VIPR2: variants seen among roughly 807,000 people sequenced by gnomAD.
The protein encoded by VIPR2 is vasoactive intestinal polypeptide receptor 2.
VIPR2 carries 48 observed loss-of-function variants against 58.0 expected under a neutral mutation model. The observed-to-expected ratio is 0.83, with a 90% CI of 0.66 to 1.05. The LOEUF is 1.05. Ranked by LOEUF, VIPR2 falls within the 50% of genes least tolerant of loss-of-function variation. VIPR2 has a pLI of 0.00. For synonymous variants in VIPR2, 243 were observed against 235.2 expected (o/e 1.03, Z -0.30); for missense variants, 534 against 558.0 (o/e 0.96, Z 0.43).
Position 159,095,840 on chromosome 7 carries a change from A to C in VIPR2, c.357+7917T>G, listed in dbSNP as rs1857804337. Among the ~76,000 whole-genome samples the C allele has an allele frequency of 6.6e-6, 1 of 151,148 alleles. No individual in the cohort carries two copies. The highest frequency in any genetic ancestry group is 2.4e-5 in the African/African-American group (1 of 41,052). The stretch of plus-strand genomic sequence containing the variant: ...TCTTTTTTTTTTAAGTCTTTAACAG[A>C]CCTCCCTAGAACCCTGAAATTTGGG... On this transcript the variant is annotated intron_variant, in intron 4 of 12. Transcript: ENST00000262178. The surrounding 1 kb of genome is among the most constrained non-coding windows in gnomAD (Gnocchi z 5.2).
intron 2 of VIPR2, among the ~76,000 whole-genome samples, chr7:159,123,518 G>A (rs1403188194): frequency 6.6e-6 from 1 of 152,078 alleles, no homozygotes; most frequent in Admixed American, 6.6e-5. Flanking sequence ...GTATTCCATG[G>A]TGTATATGTA....
chr7:159,067,041 G>A (rs57153933), intron 4 of VIPR2, among the ~76,000 whole-genome samples: 4,657 of 152,238 alleles, frequency 0.031, 116 homozygotes, highest in African/African-American at 0.06. Context: ...TTAAACTTAC[G>A]TAAAATTGAC....
chr7:159,031,478 G>C lies in VIPR2; in HGVS notation c.1143+350C>G, dbSNP rs1420258807. The C allele has an allele frequency of 4.2e-5, 41 of 985,266 alleles. No homozygotes were observed. Among genetic ancestry groups the C allele is most frequent in the Non-Finnish European group, 4.6e-5 (38 of 829,926 alleles). The allele number at this position is 985,266 out of a possible 1,614,324, so 61.0% of individuals were successfully genotyped here. Reference sequence around the variant, plus strand: ...AGCCCCACCCCCCAACCCAGGCCCGGCTTTCTGGGACTCACAAGCTATGGT... The same window carrying C: ...AGCCCCACCCCCCAACCCAGGCCCGCCTTTCTGGGACTCACAAGCTATGGT... On this transcript the variant is annotated intron_variant, in intron 12 of 12. Transcript: ENST00000262178. This position sits in a 1 kb window ranked among gnomAD's most constrained non-coding sequence, Gnocchi z 4.0.
At chr7:159,104,775 C>T (rs1475531170) in intron 3 of VIPR2, among the ~76,000 whole-genome samples, 1 of 149,788 alleles carries the variant, frequency 6.7e-6, no homozygotes, top group Non-Finnish European at 1.5e-5. Flanking sequence ...TCCCAGCCAG[C>T]ACCCTTGCCA....
chr7:159,128,735 C>T lies in VIPR2; in HGVS notation c.151+13711G>A, dbSNP rs983320054. Among the ~76,000 whole-genome samples the T allele has an allele frequency of 3.9e-5, 6 of 152,196 alleles. No individual in the cohort carries two copies. Among genetic ancestry groups the T allele is most frequent in the East Asian group, 1.9e-4 (1 of 5,188 alleles). Reference sequence around the variant, plus strand: ...ATGCCCTAATTCCTTCCAGAAATGACGGCTCCATGGACCTTCCTGAAACAC... The same window carrying T: ...ATGCCCTAATTCCTTCCAGAAATGATGGCTCCATGGACCTTCCTGAAACAC... On this transcript the variant is annotated intron_variant, in intron 2 of 12. Transcript: ENST00000262178. This position sits in a 1 kb window ranked among gnomAD's most constrained non-coding sequence, Gnocchi z 4.1.
At chr7:159,056,867 C>T (rs73522290) in intron 5 of VIPR2, among the ~76,000 whole-genome samples, 8 of 152,278 alleles carry the variant, frequency 5.3e-5, no homozygotes, top group African/African-American at 1.4e-4. Context: ...GGGATGAGCC[C>T]CAAGCCTAGA....
intron 2 of VIPR2, among the ~76,000 whole-genome samples, chr7:159,118,456 G>A (rs769102158): frequency 2.6e-4 from 39 of 152,200 alleles, no homozygotes; most frequent in Admixed American, 4.6e-4. Flanking sequence ...AGACCAAGGC[G>A]GGAGAACAGC....
intron 6 of VIPR2, among the ~76,000 whole-genome samples, chr7:159,040,435 G>A (rs1854255356): frequency 6.6e-6 from 1 of 152,270 alleles, no homozygotes; most frequent in African/African-American, 2.4e-5. Context: ...GCTTCTGGGA[G>A]TCCCACAGAC....
intron 4 of VIPR2, among the ~76,000 whole-genome samples, chr7:159,063,742 C>T (rs796811310): frequency 8.0e-4 from 33 of 41,284 alleles, no homozygotes; most frequent in Middle Eastern, 0.022. Flanking sequence ...GAGGGCCTGG[C>T]GGGATCTGGG....
chr7:159,053,285 C>A (rs114653951), intron 5 of VIPR2, among the ~76,000 whole-genome samples: 1,808 of 151,856 alleles, frequency 0.012, 37 homozygotes, highest in African/African-American at 0.041. Context: ...TAAATTTTTT[C>A]AAGAAACAAT....
chr7:159,144,251 G>A (rs1429796243), intron 1 of VIPR2: 7 of 1,323,428 alleles, frequency 5.3e-6, no homozygotes, highest in Non-Finnish European at 5.8e-6. Context: ...TTTCCAAAAG[G>A]AAACTTTATT....
At chr7:159,131,808 A>G (rs1285239542) in intron 2 of VIPR2, among the ~76,000 whole-genome samples, 2 of 152,228 alleles carry the variant, frequency 1.3e-5, no homozygotes, top group Admixed American at 1.3e-4. Flanking sequence ...TCCTGAGCAG[A>G]CACAACCAGT....
intron 2 of VIPR2, among the ~76,000 whole-genome samples, chr7:159,141,195 C>T (rs144707043): frequency 0.017 from 2,633 of 152,322 alleles, 66 homozygotes; most frequent in African/African-American, 0.058. Flanking sequence ...TCTCCTGGGC[C>T]GCATCAGCAT....
intron 2 of VIPR2, among the ~76,000 whole-genome samples, chr7:159,125,594 G>A (rs1796623959): frequency 6.6e-6 from 1 of 152,210 alleles, no homozygotes; most frequent in African/African-American, 2.4e-5. Flanking sequence ...GCCAGAATCT[G>A]GCTACTTGTG....
intron 3 of VIPR2, among the ~76,000 whole-genome samples, chr7:159,108,329 A>G (rs1280517523): frequency 6.6e-6 from 1 of 152,236 alleles, no homozygotes; most frequent in Admixed American, 6.5e-5. Context: ...CCATGCGGAC[A>G]TTCCATGGGG....
At chr7:159,078,442 G>A (rs1856753980) in intron 4 of VIPR2, among the ~76,000 whole-genome samples, 1 of 152,154 alleles carries the variant, frequency 6.6e-6, no homozygotes, top group Non-Finnish European at 1.5e-5. Flanking sequence ...GTTCAACACT[G>A]TAAGGCACTA....
chr7:159,036,291 G>A (rs1490044858), intron 7 of VIPR2, among the ~76,000 whole-genome samples: 1 of 152,148 alleles, frequency 6.6e-6, no homozygotes, highest in Non-Finnish European at 1.5e-5. Flanking sequence ...GTGCGGAGAA[G>A]GAGATGTGTT....
chr7:159,044,957 G>A (rs928842903), intron 5 of VIPR2, among the ~76,000 whole-genome samples: 1 of 152,100 alleles, frequency 6.6e-6, no homozygotes, highest in Non-Finnish European at 1.5e-5. Flanking sequence ...GTAGAGATGG[G>A]GTGGGGTTTC....
rs868609696 is a variant in VIPR2 at position 159,029,594 on chromosome 7, G to C, written c.*1022C>G. On this transcript the variant is annotated 3_prime_UTR_variant, in exon 13 of 13. Coordinates refer to ENST00000262178, the MANE Select transcript of VIPR2 (RefSeq NM_003382.5). ...ACCCCACGTAACCCCATCACCAGGG[G>C]CCCGCAGGCCTGGCCGCAGCTGGCC... 6.6e-6 allele frequency: 1 copy of C among 152,240 alleles called. No individual in the cohort carries two copies. Among genetic ancestry groups the C allele is most frequent in the Admixed American group, 6.5e-5 (1 of 15,284 alleles). The allele number at this position is 152,240 out of a possible 1,614,324, so 9.4% of individuals were successfully genotyped here. A position where few individuals can be genotyped will look rare whatever the true frequency, so the allele number is the denominator to read the frequency against.
Sources: allele counts gnomAD v4.1 joint callset (sites outside exome capture counted in the v4.1 genomes callset), GRCh38; gene constraint gnomAD v4.1.1; non-coding constraint Gnocchi (gnomAD v3.1); transcripts MANE v1.5; gene names NCBI Gene and HGNC (gene_info 2026-07-23, HGNC 2026-07-21).